AKT2: variants seen among roughly 807,000 people sequenced by gnomAD.
AKT2 encodes AKT serine/threonine kinase 2, also known as RAC-beta serine/threonine-protein kinase.
In AKT2, 16 loss-of-function variants were observed where a neutral mutation model predicts 58.6. The ratio of observed to expected loss-of-function variants is 0.27; its 90% CI spans 0.18 to 0.41. The LOEUF (loss-of-function observed/expected upper bound fraction) is 0.41. AKT2 is among the 10% of genes least tolerant of loss of function. The pLI is 1.00. For synonymous variants in AKT2, 253 were observed against 254.0 expected (o/e 1.00, Z 0.04); for missense variants, 438 against 661.0 (o/e 0.66, Z 3.70).
chr19:40,249,751 T>C (rs941279014), intron 4 of AKT2, among the ~76,000 whole-genome samples: 5 of 152,264 alleles, frequency 3.3e-5, no homozygotes, highest in African/African-American at 4.8e-5. Flanking sequence ...AGAATTTAAT[T>C]ATTTTTTATT....
intron 3 of AKT2, 48 bp from the exon 4 acceptor site, chr19:40,255,317 C>G (rs776993559): frequency 2.6e-6 from 4 of 1,528,706 alleles, no homozygotes; most frequent in Middle Eastern, 1.7e-4. Flanking sequence ...GATAGCCCTG[C>G]TAGCCTGCAG....
chr19:40,285,178 C>T lies in AKT2; in HGVS notation c.-85+3G>A. On this transcript the variant is annotated splice_donor_region_variant and intron_variant, in intron 1 of 13. Coordinates refer to ENST00000392038, the MANE Select transcript of AKT2 (RefSeq NM_001626.6). ...GTTCGGGGACACGCGCTGGCGCACT[C>T]ACCTGTCACCGGCAGCCGCCCAGCC... The T allele has an allele frequency of 2.5e-6, 1 of 394,252 alleles. No homozygotes were observed. Among genetic ancestry groups the T allele is most frequent in the Non-Finnish European group, 4.5e-6 (1 of 223,166 alleles). The allele number at this position is 394,252 out of a possible 1,614,324, so 24.4% of individuals were successfully genotyped here.
At chr19:40,276,343 A>ACCTTTTTTTTTTTTTTTTTTT (rs1568573407) in intron 1 of AKT2, among the ~76,000 whole-genome samples, 1 of 98,856 alleles carries the variant, frequency 1.0e-5, no homozygotes, top group Admixed American at 1.3e-4. Flanking sequence ...GTAAAATGGA[A>ACCTTTTTTTTTTTTTTTTTTT]TCTTTTTTTT....
At chr19:40,275,972 A>G (rs1600109900) in intron 1 of AKT2, among the ~76,000 whole-genome samples, 2 of 150,712 alleles carry the variant, frequency 1.3e-5, no homozygotes, top group South Asian at 2.1e-4. Flanking sequence ...AGATCACACC[A>G]CTGCACTCCA....
intron 1 of AKT2, 126 bp downstream of exon 1, chr19:40,285,052 TGAA>T (rs1317878913): frequency 1.4e-5 from 5 of 346,712 alleles, no homozygotes; most frequent in Non-Finnish European, 2.1e-5. Context: ...ACTCAGCTCC[TGAA>T]GGAGGGGCTC....
intron 1 of AKT2, among the ~76,000 whole-genome samples, chr19:40,270,006 T>G (rs763966080): frequency 6.6e-6 from 1 of 152,184 alleles, no homozygotes; most frequent in Non-Finnish European, 1.5e-5. Context: ...ACTTCAGCAG[T>G]GCCTGGCTCC....
chr19:40,230,694 CTTTT>C lies in AKT2; in HGVS notation c.*3174_*3177del, dbSNP rs944293314. On this transcript the variant is annotated 3_prime_UTR_variant, in exon 14 of 14. Coordinates refer to ENST00000392038, the MANE Select transcript of AKT2 (RefSeq NM_001626.6). ...CTTTCTTATACTCCTGCTTTGCTGT[CTTTT>C]TTAATAGCATGTATCATGTTTTTTT... 4.7e-6 allele frequency: 1 copy of C among 213,878 alleles called. No individual in the cohort carries two copies. Among genetic ancestry groups the C allele is most frequent in the Non-Finnish European group, 9.4e-6 (1 of 106,430 alleles). 13.2% of individuals were successfully genotyped at this position (213,878 alleles called of 1,614,324 possible).
rs1333390034 is a variant in AKT2 at position 40,260,301 on chromosome 19, T to C, written c.47-3247A>G. On this transcript the variant is annotated intron_variant, in intron 2 of 13. Transcript: ENST00000392038. Reference sequence around the variant, plus strand: ...ATGCACTGCTGGTGGGAATGTAAAATGGTGCAGCTGCTTCTTCAAAAAGTT... The same window carrying C: ...ATGCACTGCTGGTGGGAATGTAAAACGGTGCAGCTGCTTCTTCAAAAAGTT... Among the ~76,000 whole-genome samples the C allele has an allele frequency of 4.0e-5, 6 of 151,524 alleles. No individual in the cohort carries two copies. The South Asian group carries it at 1.0e-3, about 26-fold the overall frequency.
rs917737791 is a variant in AKT2, at chr19:40,230,402, G to C, written c.*3470C>G. The C allele has an allele frequency of 4.3e-4, 96 of 222,900 alleles. 1 individual carries two copies. Among genetic ancestry groups the C allele is most frequent in the Non-Finnish European group, 1.7e-4 (19 of 111,566 alleles). 13.8% of individuals were successfully genotyped at this position (222,900 alleles called of 1,614,324 possible). A position where few individuals can be genotyped will look rare whatever the true frequency, so the allele number is the denominator to read the frequency against. On this transcript the variant is annotated 3_prime_UTR_variant, in exon 14 of 14. Transcript: ENST00000392038. ...TTCCTGTTAACGGGGCAGCTGAAGC[G>C]GTTGAGGGGTCTACCCCATGGAACC...
chr19:40,233,506 G>A lies in AKT2; in HGVS notation c.*366C>T, dbSNP rs1568512932. On this transcript the variant is annotated 3_prime_UTR_variant, in exon 14 of 14. Coordinates refer to ENST00000392038, the MANE Select transcript of AKT2 (RefSeq NM_001626.6). The surrounding 1 kb of genome is among the most constrained non-coding windows in gnomAD (Gnocchi z 4.3). Reference sequence around the variant, plus strand: ...GCAGCCTTCGTCCAGATGCAGCAGCGCGGAGGCAGACACCAGCACGACACC... The same window carrying A: ...GCAGCCTTCGTCCAGATGCAGCAGCACGGAGGCAGACACCAGCACGACACC... 6.7e-6 allele frequency: 4 copies of A among 601,162 alleles called. No homozygotes were observed. Among genetic ancestry groups the A allele is most frequent in the East Asian group, 6.6e-5 (2 of 30,352 alleles). The allele number at this position is 601,162 out of a possible 1,614,324, so 37.2% of individuals were successfully genotyped here. A position where few individuals can be genotyped will look rare whatever the true frequency, so the allele number is the denominator to read the frequency against.
At chr19:40,258,058 C>G (rs1975669388) in intron 2 of AKT2, among the ~76,000 whole-genome samples, 1 of 151,672 alleles carries the variant, frequency 6.6e-6, no homozygotes, top group Non-Finnish European at 1.5e-5. Context: ...ACCAGCCTGA[C>G]CAACATGGAG....
chr19:40,277,687 G>A (rs923787082), intron 1 of AKT2, among the ~76,000 whole-genome samples: 7 of 152,028 alleles, frequency 4.6e-5, no homozygotes, highest in Admixed American at 1.3e-4. Flanking sequence ...CCACTTCCTC[G>A]GGCTCTCACA....
chr19:40,251,748 T>G (rs1975170293), intron 4 of AKT2, among the ~76,000 whole-genome samples: 1 of 152,184 alleles, frequency 6.6e-6, no homozygotes, highest in Non-Finnish European at 1.5e-5. Context: ...AAGGAGAAGT[T>G]ACTAGTAAAC....
chr19:40,239,442 G>T (rs919279765), intron 7 of AKT2: 4 of 265,922 alleles, frequency 1.5e-5, no homozygotes, highest in South Asian at 4.2e-5. Flanking sequence ...CCACCAGGGG[G>T]TCCTTCAGCT....
chr19:40,251,180 G>A (rs1162187382), intron 4 of AKT2, among the ~76,000 whole-genome samples: 2 of 151,922 alleles, frequency 1.3e-5, no homozygotes, highest in Non-Finnish European at 2.9e-5. Flanking sequence ...CTCCAGCCTG[G>A]GCAAGAGAGC....
Position 40,237,787 on chromosome 19 carries a change from T to G in AKT2, c.831+182A>C. 1.3e-6 allele frequency: 1 copy of G among 779,188 alleles called. No homozygotes were observed. The highest frequency in any genetic ancestry group is 1.7e-5 in the South Asian group (1 of 58,740). The allele number at this position is 779,188 out of a possible 1,614,324, so 48.3% of individuals were successfully genotyped here. The stretch of plus-strand genomic sequence containing the variant: ...CCCTGGACCTTGGTGGGGAGCCTGG[T>G]GAATGAGGGCAGCCACCACCCTGGA... On this transcript the variant is annotated intron_variant, in intron 9 of 13. Coordinates refer to ENST00000392038, the MANE Select transcript of AKT2 (RefSeq NM_001626.6). The surrounding 1 kb of genome is among the most constrained non-coding windows in gnomAD (Gnocchi z 4.5).
At chr19:40,239,881 A>C (rs1431299187) in intron 7 of AKT2, 164 bp downstream of exon 7, 4 of 841,100 alleles carry the variant, frequency 4.8e-6, no homozygotes, top group African/African-American at 1.7e-5. Context: ...GCTCACCCCC[A>C]CCACATGTCT....
In AKT2 at chr19:40,237,252, G is replaced by A. The variant is rs1396870017; in HGVS notation, c.831+717C>T. The A allele has an allele frequency of 1.9e-5, 3 of 153,918 alleles. No homozygotes were observed. The highest frequency in any genetic ancestry group is 4.3e-5 in the Non-Finnish European group (3 of 69,344). The allele number at this position is 153,918 out of a possible 1,614,324, so 9.5% of individuals were successfully genotyped here. On this transcript the variant is annotated intron_variant, in intron 9 of 13. Coordinates refer to ENST00000392038, the MANE Select transcript of AKT2 (RefSeq NM_001626.6). This position sits in a 1 kb window ranked among gnomAD's most constrained non-coding sequence, Gnocchi z 4.5. ...GCTAGAGTAAGTCCTGCTGCTGAGT[G>A]AGGGGGACACTTTCTAAGGTGAGTG... is the stretch of plus-strand genomic sequence containing the variant.
At chr19:40,263,398 T>C (rs921027590) in intron 2 of AKT2, among the ~76,000 whole-genome samples, 3 of 152,186 alleles carry the variant, frequency 2.0e-5, no homozygotes, top group Admixed American at 6.5e-5. Context: ...AGAAGCCTCA[T>C]GAAAATGCCT....
Sources: allele counts gnomAD v4.1 joint callset (sites outside exome capture counted in the v4.1 genomes callset), GRCh38; gene constraint gnomAD v4.1.1; non-coding constraint Gnocchi (gnomAD v3.1); transcripts MANE v1.5; gene names NCBI Gene and HGNC (gene_info 2026-07-23, HGNC 2026-07-21).